The following VAV3 variants were observed in gnomAD, a reference collection of about 807,000 sequenced individuals.
The protein encoded by VAV3 is vav guanine nucleotide exchange factor 3, also known as guanine nucleotide exchange factor VAV3.
In VAV3, 94 loss-of-function variants were observed where a neutral mutation model predicts 131.2. The ratio of observed to expected loss-of-function variants is 0.72; its 90% CI spans 0.61 to 0.85. The LOEUF is 0.85. VAV3 is among the 40% of genes least tolerant of loss of function. The probability of loss-of-function intolerance (pLI) is 0.00; values close to 1 mark genes in which losing one functional copy is unlikely to be tolerated. For missense variants in VAV3, 939 were observed against 1,002.7 expected, an observed-to-expected ratio of 0.94 and a Z score of 0.86; for synonymous variants, 349 against 342.0, an observed-to-expected ratio of 1.02 and a Z score of -0.22.
In VAV3 at chr1:107,642,613, C is replaced by CTACT. The variant is rs767824510; in HGVS notation, c.1914+5_1914+6insAGTA. 3 of 1,612,182 alleles carry CTACT rather than the reference C, an allele frequency of 1.9e-6. No homozygotes were observed. Among genetic ancestry groups the CTACT allele is most frequent in the Non-Finnish European group, 2.5e-6 (3 of 1,179,272 alleles). ...CATCAGGACCCCTTTCCTGCAACAA[C>CTACT]AGTACCTGCCAAAACAGACTGTGTG... On this transcript the variant is annotated splice_donor_region_variant and intron_variant, in intron 20 of 26. Coordinates refer to ENST00000370056, the MANE Select transcript of VAV3 (RefSeq NM_006113.5).
intron 15 of VAV3, among the ~76,000 whole-genome samples, chr1:107,748,539 T>G (rs1663501629): frequency 2.0e-5 from 3 of 152,210 alleles, no homozygotes. Flanking sequence ...TAATTCAATC[T>G]TTCTATTAAA....
intron 2 of VAV3, among the ~76,000 whole-genome samples, chr1:107,796,609 A>C (rs114662183): frequency 0.033 from 5,076 of 152,108 alleles, 182 homozygotes; most frequent in African/African-American, 0.09. Context: ...TGGCTCCTTT[A>C]AAAATATATG....
intron 1 of VAV3, among the ~76,000 whole-genome samples, chr1:107,943,348 T>C (rs1040745028): frequency 3.3e-5 from 5 of 152,156 alleles, no homozygotes; most frequent in African/African-American, 1.2e-4. Context: ...ACTACAAAAT[T>C]ACATAAGATT....
chr1:107,607,140 G>C (rs12748292), intron 22 of VAV3, among the ~76,000 whole-genome samples: 2 of 151,834 alleles, frequency 1.3e-5, no homozygotes, highest in East Asian at 1.9e-4. Context: ...ATTTTTAGTA[G>C]AGATGGGGTT....
At chr1:107,835,557 C>A (rs1401725706) in intron 2 of VAV3, among the ~76,000 whole-genome samples, 1 of 152,122 alleles carries the variant, frequency 6.6e-6, no homozygotes, top group Non-Finnish European at 1.5e-5. Context: ...CAGCCTCTGC[C>A]CAATGTAGCC....
intron 2 of VAV3, among the ~76,000 whole-genome samples, chr1:107,865,173 T>G (rs1571063168): frequency 6.6e-6 from 1 of 152,166 alleles, no homozygotes; most frequent in East Asian, 1.9e-4. Flanking sequence ...TCAGTTTTAC[T>G]TGATCTCAAA....
intron 15 of VAV3, among the ~76,000 whole-genome samples, chr1:107,711,275 G>A (rs549138875): frequency 6.6e-6 from 1 of 152,322 alleles, no homozygotes; most frequent in East Asian, 1.9e-4. Context: ...GCAGTAATAT[G>A]TGTAGCATCT....
At chr1:107,761,128 G>A (rs565184990) in intron 9 of VAV3, among the ~76,000 whole-genome samples, 47 of 152,236 alleles carry the variant, frequency 3.1e-4, no homozygotes, top group Admixed American at 6.5e-4. Flanking sequence ...GGTGGCTCAC[G>A]CCTGTAATCC....
At chr1:107,594,098 C>T (rs956204149) in intron 25 of VAV3, among the ~76,000 whole-genome samples, 8 of 152,008 alleles carry the variant, frequency 5.3e-5, no homozygotes, top group African/African-American at 1.2e-4. Flanking sequence ...TTTGCAGTAA[C>T]GAATGACTAA....
At chr1:107,862,277 T>C (rs972690015) in intron 2 of VAV3, among the ~76,000 whole-genome samples, 2 of 151,584 alleles carry the variant, frequency 1.3e-5, no homozygotes, top group Non-Finnish European at 1.5e-5. Context: ...ATACCACTAC[T>C]GGTGCACACT....
chr1:107,728,641 A>ATGTATG (rs1662023215), intron 15 of VAV3, among the ~76,000 whole-genome samples: 1 of 140,466 alleles, frequency 7.1e-6, no homozygotes, highest in Non-Finnish European at 1.6e-5. Flanking sequence ...GTATATGTAT[A>ATGTATG]TGTATATGTA....
intron 1 of VAV3, 70 bp downstream of exon 1, chr1:107,964,596 C>A: frequency 1.3e-6 from 2 of 1,530,500 alleles, no homozygotes; most frequent in South Asian, 2.4e-5. Flanking sequence ...TGCATTTACA[C>A]AAAGAAATTA....
intron 24 of VAV3, among the ~76,000 whole-genome samples, chr1:107,601,100 C>T (rs1015858115): frequency 6.6e-6 from 1 of 152,138 alleles, no homozygotes; most frequent in African/African-American, 2.4e-5. Context: ...TGTGCATCCA[C>T]TTGCCACCTC....
chr1:107,590,228 C>CT (rs1650842076), intron 25 of VAV3, among the ~76,000 whole-genome samples: 2 of 152,194 alleles, frequency 1.3e-5, no homozygotes, highest in South Asian at 4.1e-4. Context: ...CTGATCTACA[C>CT]TTTGTTTTCA....
intron 15 of VAV3, among the ~76,000 whole-genome samples, chr1:107,735,825 A>G (rs898634042): frequency 1.3e-5 from 2 of 152,234 alleles, no homozygotes; most frequent in Admixed American, 1.3e-4. Flanking sequence ...ATCAATAGAA[A>G]AAGAGGGAAT....
At chr1:107,651,387 TG>T (rs1370563372) in intron 19 of VAV3, among the ~76,000 whole-genome samples, 1 of 152,176 alleles carries the variant, frequency 6.6e-6, no homozygotes, top group Admixed American at 6.6e-5. Flanking sequence ...TAGTATAAAG[TG>T]TAGGTACCAG....
At chr1:107,641,696 G>A (rs1655350770) in intron 20 of VAV3, among the ~76,000 whole-genome samples, 1 of 152,128 alleles carries the variant, frequency 6.6e-6, no homozygotes, top group South Asian at 2.1e-4. Flanking sequence ...TAGGTAAAAA[G>A]CAAATATGGT....
intron 25 of VAV3, among the ~76,000 whole-genome samples, chr1:107,586,392 T>C (rs908415310): frequency 6.6e-6 from 1 of 152,114 alleles, no homozygotes; most frequent in Non-Finnish European, 1.5e-5. Context: ...AGGAGGTTAA[T>C]GGTGAAGATG....
chr1:107,769,460 T>G (rs983957764), intron 6 of VAV3, among the ~76,000 whole-genome samples: 1 of 152,192 alleles, frequency 6.6e-6, no homozygotes, highest in Non-Finnish European at 1.5e-5. Context: ...GCTTGCATAC[T>G]TTCACTTCTT....
Sources: allele counts gnomAD v4.1 joint callset (sites outside exome capture counted in the v4.1 genomes callset), GRCh38; gene constraint gnomAD v4.1.1; transcripts MANE v1.5; gene names NCBI Gene and HGNC (gene_info 2026-07-23, HGNC 2026-07-21).